STRN3: variants seen among roughly 807,000 people sequenced by gnomAD.
The protein encoded by STRN3 is striatin-3.
STRN3 carries 29 observed loss-of-function variants against 95.6 expected under a neutral mutation model. The ratio of observed to expected loss-of-function variants is 0.30; its 90% CI spans 0.23 to 0.41. The LOEUF (loss-of-function observed/expected upper bound fraction) is 0.41, where lower values mean the gene tolerates loss of function less well. STRN3 is among the 10% of genes least tolerant of loss of function. The pLI is 1.00. For synonymous variants in STRN3, 331 were observed against 357.6 expected (o/e 0.93, Z 0.84); for missense variants, 890 against 972.1 (o/e 0.92, Z 1.12).
At chr14:30,982,450 G>A (rs1594536324) in intron 1 of STRN3, among the ~76,000 whole-genome samples, 1 of 152,168 alleles carries the variant, frequency 6.6e-6, no homozygotes, top group African/African-American at 2.4e-5. Context: ...TGGGACTACA[G>A]GCACACACCA....
At chr14:31,023,347 A>C (rs1221334934) in intron 1 of STRN3, among the ~76,000 whole-genome samples, 1 of 152,232 alleles carries the variant, frequency 6.6e-6, no homozygotes, top group Non-Finnish European at 1.5e-5. Flanking sequence ...CAGAGACAGA[A>C]GAGCTTTAAG....
chr14:30,922,471 T>A (rs1391433091), intron 8 of STRN3, among the ~76,000 whole-genome samples: 2 of 152,226 alleles, frequency 1.3e-5, no homozygotes, highest in African/African-American at 2.4e-5. Context: ...AGACTACTGT[T>A]ACATTTTCAA....
chr14:31,007,781 C>T (rs1882785732), intron 1 of STRN3, among the ~76,000 whole-genome samples: 1 of 152,050 alleles, frequency 6.6e-6, no homozygotes, highest in Non-Finnish European at 1.5e-5. Flanking sequence ...TGTCATTCAC[C>T]TATAGTCTCA....
At chr14:30,917,782 G>A (rs1049820544) in intron 9 of STRN3, among the ~76,000 whole-genome samples, 5 of 152,118 alleles carry the variant, frequency 3.3e-5, no homozygotes, top group South Asian at 2.1e-4. Flanking sequence ...TAACTGTAAG[G>A]AAACTGTGCC....
intron 4 of STRN3, among the ~76,000 whole-genome samples, chr14:30,949,195 C>G (rs1303222660): frequency 6.6e-6 from 1 of 152,210 alleles, no homozygotes; most frequent in Non-Finnish European, 1.5e-5. Flanking sequence ...TGCTAGTTAT[C>G]CAGCATCCTT....
intron 15 of STRN3, 47 bp downstream of exon 15, chr14:30,905,371 T>C (rs375367103): frequency 2.2e-5 from 34 of 1,513,902 alleles, no homozygotes; most frequent in Non-Finnish European, 2.9e-5. Flanking sequence ...CCCTCTATTG[T>C]GTAATAACCC....
intron 5 of STRN3, among the ~76,000 whole-genome samples, chr14:30,938,854 T>C (rs1878954435): frequency 6.6e-6 from 1 of 152,204 alleles, no homozygotes; most frequent in Non-Finnish European, 1.5e-5. Flanking sequence ...AATAAGCATA[T>C]GAACAGATGC....
Position 31,026,360 on chromosome 14 carries a change from T to C in STRN3, c.-175A>G. The C allele has an allele frequency of 2.0e-6, 1 of 506,378 alleles. No homozygotes were observed. 31.4% of individuals were successfully genotyped at this position (506,378 alleles called of 1,614,324 possible). On this transcript the variant is annotated 5_prime_UTR_variant, in exon 1 of 18. It removes an upstream start codon present in the reference 5' UTR. Coordinates refer to ENST00000357479, the MANE Select transcript of STRN3 (RefSeq NM_001083893.2). ...AGCAGGGAGCTGCCGGCTGCCGCCA[T>C]TACAATCCCTCCTCCATCTGCCCGT...
At chr14:30,924,490 C>T (rs1188710794) in intron 8 of STRN3, among the ~76,000 whole-genome samples, 2 of 151,910 alleles carry the variant, frequency 1.3e-5, no homozygotes, top group Non-Finnish European at 2.9e-5. Flanking sequence ...CAAGGTCTCA[C>T]CATGTTGGCC....
chr14:30,926,188 C>T (rs1261569144), intron 8 of STRN3, among the ~76,000 whole-genome samples: 1 of 152,042 alleles, frequency 6.6e-6, no homozygotes, highest in African/African-American at 2.4e-5. Context: ...TTTCTGAATT[C>T]TCTTTCCTGA....
chr14:31,018,447 T>A (rs533908038), intron 1 of STRN3: 8 of 412,418 alleles, frequency 1.9e-5, no homozygotes, highest in Non-Finnish European at 3.3e-5. Context: ...CTTGTTCCTA[T>A]GACACACCTC....
At chr14:30,895,859 T>C (rs550745615) in intron 16 of STRN3, 111 bp from the exon 17 acceptor site, 2 of 898,384 alleles carry the variant, frequency 2.2e-6, no homozygotes, top group Non-Finnish European at 3.3e-6. Context: ...AACTTTTTTA[T>C]TGTGGTAAAA....
chr14:30,906,610 G>A (rs927058879), intron 14 of STRN3, among the ~76,000 whole-genome samples: 1 of 151,900 alleles, frequency 6.6e-6, no homozygotes, highest in Admixed American at 6.6e-5. Flanking sequence ...GTCCCTATGA[G>A]TATCCTCATT....
chr14:30,905,959 A>G (rs1896450492), intron 14 of STRN3, among the ~76,000 whole-genome samples: 1 of 152,240 alleles, frequency 6.6e-6, no homozygotes, highest in East Asian at 1.9e-4. Context: ...TGGTTCACCT[A>G]TCAGAGATCT....
At chr14:30,944,921 T>C (rs1879286935) in intron 5 of STRN3, among the ~76,000 whole-genome samples, 1 of 152,120 alleles carries the variant, frequency 6.6e-6, no homozygotes, top group Non-Finnish European at 1.5e-5. Flanking sequence ...TCGACCAGAA[T>C]ATATTTTAGA....
At chr14:30,935,053 C>T (rs1369571726) in intron 7 of STRN3, 110 bp downstream of exon 7, 21 of 1,390,494 alleles carry the variant, frequency 1.5e-5, no homozygotes, top group African/African-American at 5.8e-5. Flanking sequence ...CCTTGCTCTC[C>T]GTTTAACTGC....
chr14:30,895,388 T>C lies in STRN3; in HGVS notation c.*23A>G, dbSNP rs370883096. On this transcript the variant is annotated 3_prime_UTR_variant, in exon 18 of 18. Transcript: ENST00000357479. ...CCTCTTTCTGTCCAAGCAAATCTTG[T>C]TACGATGCAAGTTTTTGTTGATTCA... is the stretch of plus-strand genomic sequence containing the variant. 1 of 1,580,452 alleles carries C rather than the reference T, an allele frequency of 6.3e-7. No homozygotes were observed. The highest frequency in any genetic ancestry group is 8.6e-7 in the Non-Finnish European group (1 of 1,162,196).
chr14:31,001,998 C>A lies in STRN3; in HGVS notation c.282+23906G>T, dbSNP rs71417940. ...TGACCAACATGGAGAAACCCCATCT[C>A]TACTAAAAATACAAAAAATCAGCCG... is the stretch of plus-strand genomic sequence containing the variant. On this transcript the variant is annotated intron_variant, in intron 1 of 17. Transcript: ENST00000357479. Among the ~76,000 whole-genome samples the A allele has an allele frequency of 2.0e-5, 3 of 151,266 alleles. No homozygotes were observed. The South Asian group carries it at 6.3e-4, about 32-fold the overall frequency.
At chr14:31,022,948 G>GACTT (rs2139360619) in intron 1 of STRN3, among the ~76,000 whole-genome samples, 2 of 152,232 alleles carry the variant, frequency 1.3e-5, no homozygotes, top group South Asian at 4.1e-4. Flanking sequence ...ATTTTGCTTA[G>GACTT]ACTTACTTGA....
Sources: allele counts gnomAD v4.1 joint callset (sites outside exome capture counted in the v4.1 genomes callset), GRCh38; gene constraint gnomAD v4.1.1; transcripts MANE v1.5; gene names NCBI Gene and HGNC (gene_info 2026-07-23, HGNC 2026-07-21).